RASAL1: variants seen among roughly 807,000 people sequenced by gnomAD.
RASAL1 encodes the protein rasGAP-activating-like protein 1.
RASAL1 carries 72 observed loss-of-function variants against 96.6 expected under a neutral mutation model. That is an observed-to-expected ratio of 0.75 (90% CI 0.62 to 0.91). The LOEUF (loss-of-function observed/expected upper bound fraction) is 0.91, where lower values mean the gene tolerates loss of function less well. RASAL1 is among the 40% of genes least tolerant of loss of function. The probability of loss-of-function intolerance (pLI) is 0.00; values close to 1 mark genes in which losing one functional copy is unlikely to be tolerated. For missense variants in RASAL1, 1,016 were observed against 1,072.5 expected (o/e 0.95, Z 0.74); for synonymous variants, 405 against 430.4 (o/e 0.94, Z 0.73).
intron 4 of RASAL1, among the ~76,000 whole-genome samples, chr12:113,123,904 A>G (rs1192875721): frequency 6.6e-6 from 1 of 152,120 alleles, no homozygotes; most frequent in Non-Finnish European, 1.5e-5. Context: ...GATGGAAAAA[A>G]TACTGAGGGA....
chr12:113,118,928 C>T (rs1951183986), intron 7 of RASAL1, among the ~76,000 whole-genome samples, 200 bp downstream of exon 7: 1 of 152,184 alleles, frequency 6.6e-6, no homozygotes, highest in Non-Finnish European at 1.5e-5. Flanking sequence ...TGGATAGGTT[C>T]CTGTACCTTT....
chr12:113,126,349 G>C (rs774202441), intron 4 of RASAL1, among the ~76,000 whole-genome samples: 1 of 151,884 alleles, frequency 6.6e-6, no homozygotes, highest in African/African-American at 2.4e-5. Context: ...AGTGTAAAAG[G>C]CTGCAATTTG....
chr12:113,132,792 C>A (rs532570197), intron 1 of RASAL1, among the ~76,000 whole-genome samples: 33 of 152,336 alleles, frequency 2.2e-4, no homozygotes, highest in Admixed American at 1.6e-3. Flanking sequence ...TACCTGGCTT[C>A]TATCCCTGAA....
intron 15 of RASAL1, among the ~76,000 whole-genome samples, chr12:113,106,648 T>C (rs1950656764): frequency 6.8e-6 from 1 of 148,044 alleles, no homozygotes. Flanking sequence ...TGTTCTTTCC[T>C]CCTTTTTTTT....
chr12:113,115,062 G>A lies in RASAL1; in HGVS notation c.1068+138C>T. 2 of 1,132,208 alleles carry A rather than the reference G, an allele frequency of 1.8e-6. No individual in the cohort carries two copies. Among genetic ancestry groups the A allele is most frequent in the Non-Finnish European group, 2.7e-6 (2 of 753,812 alleles). 70.1% of individuals were successfully genotyped at this position (1,132,208 alleles called of 1,614,324 possible). On this transcript the variant is annotated intron_variant, in intron 11 of 20. Transcript: ENST00000548055. The surrounding 1 kb of genome is among the most constrained non-coding windows in gnomAD (Gnocchi z 4.1). ...ACATCCAGGTGCAACTCAGGGCAAG[G>A]CCGGGCACCAGCCGCCAGCACTGCA...
chr12:113,106,015 A>G (rs1592892061), intron 15 of RASAL1, 129 bp from the exon 16 acceptor site: 1 of 960,512 alleles, frequency 1.0e-6, no homozygotes. Flanking sequence ...AGGCAGGAGG[A>G]TGAGCGCGAT....
At chr12:113,134,176 C>T (rs1951825911) in intron 1 of RASAL1, among the ~76,000 whole-genome samples, 1 of 152,200 alleles carries the variant, frequency 6.6e-6, no homozygotes, top group Non-Finnish European at 1.5e-5. Context: ...ACTGAACTGT[C>T]AGAGCACACA....
rs1285750536 is a variant in RASAL1 at position 113,128,033 on chromosome 12, A to G, written c.236+32T>C. ...TCAGGTGCCCAGGCTTGGGTCCCTA[A>G]CCCACACATTCCACTTTCCCCAACC... On this transcript the variant is annotated intron_variant, in intron 3 of 20. Transcript: ENST00000548055. 3.1e-6 allele frequency: 5 copies of G among 1,606,170 alleles called. No individual in the cohort carries two copies. The African/African-American group carries it at 4.0e-5, about 13-fold the overall frequency.
chr12:113,134,678 T>TTCAGCAGCTGCTGAC (rs1951845705), intron 1 of RASAL1, among the ~76,000 whole-genome samples: 1 of 152,188 alleles, frequency 6.6e-6, no homozygotes, highest in African/African-American at 2.4e-5. Context: ...ATTCTGCTGA[T>TTCAGCAGCTGCTGAC]TCAGCAGCTG....
intron 15 of RASAL1, among the ~76,000 whole-genome samples, chr12:113,106,775 T>C (rs1950661122): frequency 6.6e-6 from 1 of 152,250 alleles, no homozygotes; most frequent in African/African-American, 2.4e-5. Flanking sequence ...TTCTCTGTCT[T>C]GTTCACTGCT....
chr12:113,107,604 CAG>C (rs1204890050), intron 14 of RASAL1: 2 of 445,690 alleles, frequency 4.5e-6, no homozygotes, highest in Non-Finnish European at 8.8e-6. Flanking sequence ...GCCTGGGTGA[CAG>C]AGCGAGACTT....
chr12:113,116,108 G>A (rs1383589034), intron 8 of RASAL1, 57 bp from the exon 9 acceptor site: 15 of 1,431,134 alleles, frequency 1.0e-5, no homozygotes, highest in Non-Finnish European at 1.0e-5. Context: ...GATGGCTCAC[G>A]CCTGTAATCC....
At chr12:113,112,508 A>T (rs1012450606) in intron 12 of RASAL1, among the ~76,000 whole-genome samples, 6 of 152,044 alleles carry the variant, frequency 3.9e-5, no homozygotes, top group Non-Finnish European at 7.4e-5. Flanking sequence ...CTCCCGTTAA[A>T]TGTTAAATCT....
At chr12:113,132,539 C>G (rs891452956) in intron 1 of RASAL1, among the ~76,000 whole-genome samples, 1 of 152,176 alleles carries the variant, frequency 6.6e-6, no homozygotes, top group African/African-American at 2.4e-5. Flanking sequence ...TCTACCTATT[C>G]AAATGGCCCT....
At chr12:113,101,672 G>A (rs1045193590) in intron 19 of RASAL1, among the ~76,000 whole-genome samples, 2 of 121,628 alleles carry the variant, frequency 1.6e-5, no homozygotes, top group South Asian at 2.3e-4. Context: ...GGTATTAAAA[G>A]ATCCCAAGAC....
intron 19 of RASAL1, 74 bp from the exon 20 acceptor site, chr12:113,100,754 G>A (rs1950415962): frequency 2.2e-6 from 3 of 1,351,358 alleles, no homozygotes; most frequent in South Asian, 1.2e-5. Flanking sequence ...GAAATTCTCT[G>A]AGAAATTAGT....
chr12:113,100,861 C>G (rs1213547113), intron 19 of RASAL1, among the ~76,000 whole-genome samples, 181 bp from the exon 20 acceptor site: 1 of 152,220 alleles, frequency 6.6e-6, no homozygotes, highest in Non-Finnish European at 1.5e-5. Context: ...AAACCTTTTA[C>G]ATGTATTAAC....
intron 12 of RASAL1, among the ~76,000 whole-genome samples, chr12:113,114,490 GA>G (rs1017066342): frequency 7.1e-6 from 1 of 141,532 alleles, no homozygotes; most frequent in African/African-American, 2.6e-5. Context: ...AAAAAAAAAA[GA>G]AAAAAAGGAA....
At chr12:113,127,543 C>G (rs12826437) in intron 4 of RASAL1, among the ~76,000 whole-genome samples, 8,255 of 152,092 alleles carry the variant, frequency 0.054, 467 homozygotes, top group African/African-American at 0.15. Context: ...CCAGCTACTC[C>G]AGAAGCTGAG....
Sources: gnomAD v4.1 joint callset for allele counts (sites outside exome capture counted in the v4.1 genomes callset) on GRCh38, gnomAD v4.1.1 for gene constraint, Gnocchi (gnomAD v3.1) non-coding constraint, MANE v1.5 for transcripts, NCBI Gene and HGNC (gene_info 2026-07-23, HGNC 2026-07-21) for gene names.